Variants in WEE2 observed in about 807,000 individuals in gnomAD.
WEE2 encodes wee1-like protein kinase 2.
A neutral mutation model predicts 60.1 loss-of-function variants in WEE2; 50 were observed. The observed-to-expected ratio is 0.83, with a 90% CI of 0.66 to 1.05. WEE2 has a LOEUF of 1.05. WEE2 is among the 50% of genes least tolerant of loss of function. The pLI, the probability that WEE2 is intolerant of heterozygous loss-of-function variation, is 0.00. For synonymous variants in WEE2, 240 were observed against 241.0 expected (o/e 1.00, Z 0.04); for missense variants, 631 against 684.3 (o/e 0.92, Z 0.87).
At chr7:141,726,247 A>G (rs186734706) in intron 9 of WEE2, among the ~76,000 whole-genome samples, 1 of 152,158 alleles carries the variant, frequency 6.6e-6, no homozygotes, top group Admixed American at 6.5e-5. Flanking sequence ...AGAAATATCT[A>G]CTTCCTTGGA....
chr7:141,729,700 A>G (rs1317062960), intron 11 of WEE2, 27 bp downstream of exon 11: 1 of 1,596,700 alleles, frequency 6.3e-7, no homozygotes, highest in Non-Finnish European at 8.5e-7. Flanking sequence ...TTAAGAACTC[A>G]TTTTGCAGCC....
intron 3 of WEE2, among the ~76,000 whole-genome samples, chr7:141,716,687 T>C (rs1366016239): frequency 6.6e-6 from 1 of 152,058 alleles, no homozygotes; most frequent in African/African-American, 2.4e-5. Flanking sequence ...TTAGAGTAAT[T>C]TTAAAATTAC....
chr7:141,721,152 G>A (rs1428908040), intron 5 of WEE2, 96 bp downstream of exon 5: 1 of 1,451,442 alleles, frequency 6.9e-7, no homozygotes, highest in African/African-American at 1.4e-5. Context: ...TCATTCCACG[G>A]ATAGCAGATA....
chr7:141,727,670 A>T, intron 10 of WEE2: 1 of 514,108 alleles, frequency 1.9e-6, no homozygotes, highest in Admixed American at 3.6e-5. Flanking sequence ...CAGTTAACGC[A>T]AACAAAGGAA....
chr7:141,712,501 C>CT (rs575001868), intron 1 of WEE2, among the ~76,000 whole-genome samples: 129 of 152,224 alleles, frequency 8.5e-4, no homozygotes, highest in African/African-American at 3.0e-3. Flanking sequence ...AGCAGAAGTT[C>CT]TTTTCATATG....
chr7:141,723,641 T>C (rs1459918269), intron 6 of WEE2, among the ~76,000 whole-genome samples: 1 of 152,198 alleles, frequency 6.6e-6, no homozygotes, highest in African/African-American at 2.4e-5. Context: ...CTGTCACTCA[T>C]TAATGTGAAA....
intron 4 of WEE2, among the ~76,000 whole-genome samples, chr7:141,720,196 C>T: frequency 9.1e-6 from 1 of 110,044 alleles, no homozygotes; most frequent in Admixed American, 1.4e-4. Flanking sequence ...AGCTCTGTTG[C>T]CCAGGCTGGA....
chr7:141,723,354 A>G, intron 6 of WEE2, 74 bp downstream of exon 6: 5 of 1,509,658 alleles, frequency 3.3e-6, no homozygotes, highest in Non-Finnish European at 4.5e-6. Context: ...CTAGGTCTGT[A>G]TGTCTATCAA....
At position 141,723,126 on chromosome 7, in the gene WEE2, T is replaced by A; in HGVS notation, c.881-8T>A. On this transcript the variant is annotated splice_polypyrimidine_tract_variant and splice_region_variant and intron_variant, in intron 5 of 11. Coordinates refer to ENST00000397541, the MANE Select transcript of WEE2 (RefSeq NM_001105558.1). ...ACTGTGGGGCTGTTCTCTGTTGTTC[T>A]TTCCCAGGTGGGAGTTTGCAAGCTG... 6.2e-7 allele frequency: 1 copy of A among 1,614,028 alleles called. No homozygotes were observed.
At chr7:141,723,379 G>A in intron 6 of WEE2, 99 bp downstream of exon 6, 3 of 1,325,284 alleles carry the variant, frequency 2.3e-6, no homozygotes, top group Non-Finnish European at 3.1e-6. Flanking sequence ...CAAGGACGGT[G>A]TTTGCTGGCA....
In WEE2 at chr7:141,711,525, A is replaced by C. The variant is rs1402388845; in HGVS notation, c.342+2425A>C. Among the ~76,000 whole-genome samples, 1 of 152,224 alleles carries C rather than the reference A, an allele frequency of 6.6e-6. No individual in the cohort carries two copies. The highest frequency in any genetic ancestry group is 1.5e-5 in the Non-Finnish European group (1 of 68,028). ...TCAGTCTTGTCCAAGGGATGGAACCAAAAATCATGTGAAATTCAGTTCACT... is the reference window on the plus strand; with the variant it reads ...TCAGTCTTGTCCAAGGGATGGAACCCAAAATCATGTGAAATTCAGTTCACT... On this transcript the variant is annotated intron_variant, in intron 1 of 11. Transcript: ENST00000397541. The surrounding 1 kb of genome is among the most constrained non-coding windows in gnomAD (Gnocchi z 4.2).
chr7:141,708,832 A>G lies in WEE2; in HGVS notation c.74A>G (p.Glu25Gly). The G allele has an allele frequency of 6.2e-7, 1 of 1,614,174 alleles. No individual in the cohort carries two copies. Among genetic ancestry groups the G allele is most frequent in the Non-Finnish European group, 8.5e-7 (1 of 1,180,018 alleles). ...TCCTATTGTGAGGAGACTGAGATTG[A>G]AGGGCAGAAGAAAGTAGAAGAAAGC... ...NFSYCEETEIEGQKKVEESRE... is the reference protein window; with the variant it reads ...NFSYCEETEIGGQKKVEESRE... Residue 25 changes from glutamate (E) to glycine (G), a missense_variant, in exon 1 of 12, where the codon GAA (glutamate) becomes GGA (glycine). By Grantham distance (98) the Glu-to-Gly change is moderately conservative (BLOSUM62 -2). Transcript: ENST00000397541.
intron 1 of WEE2, among the ~76,000 whole-genome samples, chr7:141,712,790 T>A (rs1486721740): frequency 6.6e-6 from 1 of 152,364 alleles, no homozygotes; most frequent in East Asian, 1.9e-4. Flanking sequence ...CACTGTTTCA[T>A]ATGTAATAGA....
intron 6 of WEE2, 157 bp from the exon 7 acceptor site, chr7:141,723,784 G>C (rs1798962730): frequency 1.8e-6 from 1 of 565,978 alleles, no homozygotes; most frequent in Non-Finnish European, 3.1e-6. Flanking sequence ...CTGTTCAGAA[G>C]CGATGTGAGA....
chr7:141,716,062 C>G (rs1798788687), intron 2 of WEE2, among the ~76,000 whole-genome samples, 160 bp from the exon 3 acceptor site: 1 of 152,158 alleles, frequency 6.6e-6, no homozygotes, highest in African/African-American at 2.4e-5. Context: ...TTATCCAGTT[C>G]TAGGTTCTTG....
rs117644089 is a variant in WEE2 at position 141,712,005 on chromosome 7, C to T, written c.343-2204C>T. 8.5e-3 allele frequency among the ~76,000 whole-genome samples: 1,288 copies of T among 152,292 alleles called. 6 individuals are homozygous for T. The highest frequency in any genetic ancestry group is 0.015 in the South Asian group (72 of 4,824). On this transcript the variant is annotated intron_variant, in intron 1 of 11. Transcript: ENST00000397541. Reference sequence around the variant, plus strand: ...GAGGATGGCACCAAGGAATCTACCTCTGTAATCCAAATGCCACCCACCAGG... The same window carrying T: ...GAGGATGGCACCAAGGAATCTACCTTTGTAATCCAAATGCCACCCACCAGG...
rs527810951 is a variant in WEE2, at chr7:141,711,303, G to A, written c.342+2203G>A. 6.6e-6 allele frequency among the ~76,000 whole-genome samples: 1 copy of A among 152,206 alleles called. No homozygotes were observed. Among genetic ancestry groups the A allele is most frequent in the African/African-American group, 2.4e-5 (1 of 41,448 alleles). On this transcript the variant is annotated intron_variant, in intron 1 of 11. Coordinates refer to ENST00000397541, the MANE Select transcript of WEE2 (RefSeq NM_001105558.1). This position sits in a 1 kb window ranked among gnomAD's most constrained non-coding sequence, Gnocchi z 4.2. ...CATAGCCTGAGTGCCAGAGTAAGGAGAGAAGTGGCCCAGTTAGAAATCTTG... is the reference window on the plus strand; with the variant it reads ...CATAGCCTGAGTGCCAGAGTAAGGAAAGAAGTGGCCCAGTTAGAAATCTTG...
chr7:141,725,769 C>G (rs1048873977), intron 9 of WEE2, among the ~76,000 whole-genome samples: 2 of 152,094 alleles, frequency 1.3e-5, no homozygotes, highest in Non-Finnish European at 2.9e-5. Context: ...TTCTAACAAC[C>G]CTATAAGGTA....
intron 2 of WEE2, among the ~76,000 whole-genome samples, chr7:141,714,708 T>G (rs1034778397): frequency 2.6e-5 from 4 of 152,070 alleles, no homozygotes; most frequent in Non-Finnish European, 5.9e-5. Context: ...ATTCAAGGGG[T>G]CCCCTCTGGT....
Sources: gnomAD v4.1 joint callset for allele counts (sites outside exome capture counted in the v4.1 genomes callset) on GRCh38, gnomAD v4.1.1 for gene constraint, Gnocchi (gnomAD v3.1) non-coding constraint, MANE v1.5 for transcripts, NCBI Gene and HGNC (gene_info 2026-07-23, HGNC 2026-07-21) for gene names.